The following CNTN4 variants were observed in gnomAD, a reference collection of about 807,000 sequenced individuals.
The protein encoded by CNTN4 is contactin-4.
A neutral mutation model predicts 122.5 loss-of-function variants in CNTN4; 77 were observed. The observed-to-expected ratio is 0.63, with a 90% CI of 0.52 to 0.76. CNTN4 has a LOEUF of 0.76. Among genes scored for constraint, CNTN4 ranks in the 30% least tolerant of loss-of-function variants. CNTN4 has a pLI of 0.00. For synonymous variants in CNTN4, 512 were observed against 447.0 expected, an observed-to-expected ratio of 1.15 and a Z score of -1.83; for missense variants, 1,256 against 1,259.1, an observed-to-expected ratio of 1.00 and a Z score of 0.04.
In CNTN4 at chr3:2,427,957, A is replaced by G. The variant is rs549346501; in HGVS notation, c.-89+88724A>G. ...TCCTCCATCCCTTTATTTTGAGCCT[A>G]TGTGTGTCTCTTCACGTGAGATGGG... On this transcript the variant is annotated intron_variant, in intron 3 of 24. Coordinates refer to ENST00000418658, the MANE Select transcript of CNTN4 (RefSeq NM_175607.3). Among the ~76,000 whole-genome samples the G allele has an allele frequency of 6.3e-4, 95 of 151,864 alleles. 4 individuals carry two copies. Among genetic ancestry groups the G allele is most frequent in the Middle Eastern group, 3.4e-3 (1 of 294 alleles).
At chr3:2,708,974 G>T (rs1017728096) in intron 4 of CNTN4, among the ~76,000 whole-genome samples, 3 of 152,138 alleles carry the variant, frequency 2.0e-5, no homozygotes, top group Admixed American at 2.0e-4. Flanking sequence ...TCGCATTGCA[G>T]AAATCCATGT....
intron 2 of CNTN4, among the ~76,000 whole-genome samples, chr3:2,142,915 C>A (rs545548173): frequency 2.6e-5 from 4 of 152,152 alleles, no homozygotes; most frequent in Admixed American, 1.3e-4. Context: ...TTTGCAATTG[C>A]CAGGCAATGA....
chr3:2,879,942 T>A (rs994315463), intron 8 of CNTN4, among the ~76,000 whole-genome samples: 2 of 152,132 alleles, frequency 1.3e-5, no homozygotes, highest in African/African-American at 4.8e-5. Context: ...AAGACCATTG[T>A]GGGCTAGAGA....
intron 7 of CNTN4, among the ~76,000 whole-genome samples, chr3:2,850,139 C>T (rs2093524866): frequency 6.6e-6 from 1 of 151,804 alleles, no homozygotes; most frequent in South Asian, 2.1e-4. Context: ...ACAGGCACGC[C>T]CCACCACACC....
chr3:2,106,665 G>C (rs1460062373), intron 2 of CNTN4, among the ~76,000 whole-genome samples: 2 of 152,220 alleles, frequency 1.3e-5, no homozygotes, highest in African/African-American at 2.4e-5. Flanking sequence ...CTGGGCCTGT[G>C]ATGGGAGGGG....
At chr3:2,611,686 A>G (rs2081497302) in intron 4 of CNTN4, among the ~76,000 whole-genome samples, 1 of 152,134 alleles carries the variant, frequency 6.6e-6, no homozygotes, top group African/African-American at 2.4e-5. Context: ...AGGAACCTGC[A>G]AGTGTCAATG....
intron 6 of CNTN4, among the ~76,000 whole-genome samples, chr3:2,765,632 A>G (rs883846): frequency 0.65 from 98,170 of 151,962 alleles, 34,437 homozygotes; most frequent in Non-Finnish European, 0.78. Flanking sequence ...GATATTTTAT[A>G]TGCCTTAGAG....
chr3:2,481,289 C>T (rs1027470593), intron 3 of CNTN4, among the ~76,000 whole-genome samples: 2 of 151,818 alleles, frequency 1.3e-5, no homozygotes, highest in Non-Finnish European at 2.9e-5. Context: ...TACAGGTGCA[C>T]GCCACCATGT....
intron 6 of CNTN4, among the ~76,000 whole-genome samples, chr3:2,799,181 G>A (rs1423971098): frequency 6.6e-6 from 1 of 152,096 alleles, no homozygotes; most frequent in Non-Finnish European, 1.5e-5. Flanking sequence ...TTTTAGTAGG[G>A]TTATATAGGT....
intron 4 of CNTN4, among the ~76,000 whole-genome samples, chr3:2,602,306 CCT>C (rs1219685642): frequency 3.3e-5 from 5 of 152,084 alleles, no homozygotes; most frequent in Non-Finnish European, 7.4e-5. Context: ...TCAAATTGTC[CCT>C]GTTTGCAGAT....
chr3:2,605,708 T>G (rs372003240), intron 4 of CNTN4, among the ~76,000 whole-genome samples: 3 of 152,300 alleles, frequency 2.0e-5, no homozygotes, highest in South Asian at 2.1e-4. Context: ...ATGAGAGATA[T>G]GAGTTTACCA....
At chr3:3,037,053 A>G in intron 17 of CNTN4, 126 bp from the exon 18 acceptor site, 1 of 1,109,156 alleles carries the variant, frequency 9.0e-7, no homozygotes, top group Non-Finnish European at 1.4e-6. Context: ...CTAATATCAG[A>G]ACACCTACAC....
chr3:2,639,276 C>G (rs1053302159), intron 4 of CNTN4, among the ~76,000 whole-genome samples: 1 of 152,160 alleles, frequency 6.6e-6, no homozygotes, highest in Admixed American at 6.5e-5. Context: ...TCTTCTATTC[C>G]TATTTAATTC....
intron 4 of CNTN4, among the ~76,000 whole-genome samples, chr3:2,663,087 G>A (rs112316157): frequency 2.0e-5 from 3 of 148,404 alleles, no homozygotes; most frequent in African/African-American, 7.6e-5. Flanking sequence ...GGGCAACAGA[G>A]TGAGACTCTG....
intron 4 of CNTN4, among the ~76,000 whole-genome samples, chr3:2,578,331 A>G (rs13069111): frequency 0.091 from 13,822 of 152,182 alleles, 835 homozygotes; most frequent in Non-Finnish European, 0.13. Context: ...TGTTGATGAA[A>G]GGACTCCATG....
chr3:2,282,494 C>T (rs530346148), intron 2 of CNTN4, among the ~76,000 whole-genome samples: 9 of 152,138 alleles, frequency 5.9e-5, no homozygotes, highest in African/African-American at 1.9e-4. Context: ...TATATGGCCT[C>T]ATTCTTCCAC....
chr3:2,740,663 T>TTGGTC (rs2089408452), intron 5 of CNTN4, among the ~76,000 whole-genome samples: 1 of 151,640 alleles, frequency 6.6e-6, no homozygotes, highest in Non-Finnish European at 1.5e-5. Context: ...ATGAAAAACT[T>TTGGTC]TAACAACTAC....
chr3:2,909,901 C>A (rs2094281147), intron 12 of CNTN4, among the ~76,000 whole-genome samples: 1 of 152,148 alleles, frequency 6.6e-6, no homozygotes, highest in Admixed American at 6.5e-5. Flanking sequence ...GAACCACTAT[C>A]CTAAAATAGG....
chr3:2,563,760 C>T (rs889499107), intron 3 of CNTN4, among the ~76,000 whole-genome samples: 30 of 151,884 alleles, frequency 2.0e-4, no homozygotes, highest in African/African-American at 7.0e-4. Flanking sequence ...TCTATATGTC[C>T]AAATAAATAA....
Sources: gnomAD v4.1 joint callset for allele counts (sites outside exome capture counted in the v4.1 genomes callset) on GRCh38, gnomAD v4.1.1 for gene constraint, MANE v1.5 for transcripts, NCBI Gene and HGNC (gene_info 2026-07-23, HGNC 2026-07-21) for gene names.